Variants in DDX46 observed in about 807,000 individuals in gnomAD.
DDX46 encodes the protein probable ATP-dependent RNA helicase DDX46.
Under a neutral mutation model 134.9 loss-of-function variants are expected in DDX46, and 30 were observed. The observed-to-expected ratio is 0.22, with a 90% CI of 0.17 to 0.30. The LOEUF (loss-of-function observed/expected upper bound fraction) is 0.30, where lower values mean the gene tolerates loss of function less well. Ranked by LOEUF, DDX46 falls within the 10% of genes least tolerant of loss-of-function variation. The pLI is 1.00. For synonymous variants in DDX46, 415 were observed against 404.1 expected (o/e 1.03, Z -0.32); for missense variants, 622 against 1,248.7 (o/e 0.50, Z 7.56).
intron 13 of DDX46, among the ~76,000 whole-genome samples, chr5:134,790,891 C>T (rs1374274835): frequency 1.3e-5 from 2 of 152,090 alleles, no homozygotes; most frequent in Non-Finnish European, 2.9e-5. Flanking sequence ...GGAGAACGAT[C>T]ACTACTCACT....
intron 3 of DDX46, among the ~76,000 whole-genome samples, chr5:134,768,201 C>G (rs1486303530): frequency 6.6e-6 from 1 of 151,660 alleles, no homozygotes; most frequent in African/African-American, 2.4e-5. Flanking sequence ...CCTTCGCCTC[C>G]CGGGTTCAAG....
chr5:134,808,164 CAGTT>C (rs1755043080), intron 16 of DDX46, among the ~76,000 whole-genome samples: 1 of 152,198 alleles, frequency 6.6e-6, no homozygotes, highest in South Asian at 2.1e-4. Flanking sequence ...ATCCTGTTAA[CAGTT>C]TGTCTTCCCT....
In DDX46 at chr5:134,770,019, A is replaced by G. The variant is rs1753711116; in HGVS notation, c.351-884A>G. On this transcript the variant is annotated intron_variant, in intron 3 of 22. Transcript: ENST00000452510. Reference sequence around the variant, plus strand: ...GTTGACTCTTAGAAGTTTATTTCTTACCTAAATATTGGAATACAAGTCTAA... The same window carrying G: ...GTTGACTCTTAGAAGTTTATTTCTTGCCTAAATATTGGAATACAAGTCTAA... 2.0e-5 allele frequency among the ~76,000 whole-genome samples: 3 copies of G among 152,158 alleles called. No homozygotes were observed. In the East Asian group the frequency reaches 5.8e-4, roughly 29 times the overall value.
At chr5:134,782,485 TACAAA>T (rs1376937490) in intron 8 of DDX46, among the ~76,000 whole-genome samples, 1 of 150,788 alleles carries the variant, frequency 6.6e-6, no homozygotes, top group Non-Finnish European at 1.5e-5. Flanking sequence ...ACTAAAAAAA[TACAAA>T]AATAAAAAAA....
chr5:134,792,022 C>T (rs913355896), intron 13 of DDX46, among the ~76,000 whole-genome samples: 2 of 151,868 alleles, frequency 1.3e-5, no homozygotes, highest in Non-Finnish European at 2.9e-5. Context: ...ACTAAAAATA[C>T]AAAAATTAGC....
In DDX46 at chr5:134,811,347, C is replaced by G; in HGVS notation, c.2275C>G (p.Gln759Glu). 1 of 1,613,892 alleles carries G rather than the reference C, an allele frequency of 6.2e-7. No individual in the cohort carries two copies. Among genetic ancestry groups the G allele is most frequent in the Non-Finnish European group, 8.5e-7 (1 of 1,179,928 alleles). ...LEKLWSDFKD[Q>E]QKAEGKIIKK... ...GAAACTGTGGAGTGATTTCAAAGATCAGCAGAAAGCTGTGAGTTTTTAACC... is the reference window on the plus strand; with the variant it reads ...GAAACTGTGGAGTGATTTCAAAGATGAGCAGAAAGCTGTGAGTTTTTAACC... Residue 759 changes from glutamine (Q) to glutamate (E), a missense_variant, in exon 17 of 23, where the codon CAG (glutamine) becomes GAG (glutamate). Gln to Glu is a conservative substitution (Grantham distance 29, BLOSUM62 2). Transcript: ENST00000452510.
chr5:134,802,327 G>C (rs533068202), intron 15 of DDX46, among the ~76,000 whole-genome samples: 2 of 151,912 alleles, frequency 1.3e-5, no homozygotes, highest in African/African-American at 4.8e-5. Context: ...ACCACATCCA[G>C]CTAACTGTAT....
At chr5:134,791,716 C>T (rs1459915634) in intron 13 of DDX46, among the ~76,000 whole-genome samples, 1 of 152,100 alleles carries the variant, frequency 6.6e-6, no homozygotes. Flanking sequence ...CATATTTAGC[C>T]TTTTCAGTTT....
In DDX46 at chr5:134,811,827, T is replaced by C; in HGVS notation, c.2418T>C (p.Asp806=). ...KAALGLQDSD[D]EDAAVDIDEQ... ...CTCTTGGTCTACAAGATTCAGATGA[T>C]GAGGATGCTGCAGTTGATGTAAGTA... Residue 806 remains aspartate (D), a synonymous_variant, in exon 18 of 23, where the codon GAT becomes GAC. Coordinates refer to ENST00000452510, the MANE Select transcript of DDX46 (RefSeq NM_001300860.2). The C allele has an allele frequency of 6.2e-7, 1 of 1,612,046 alleles. No individual in the cohort carries two copies. The highest frequency in any genetic ancestry group is 8.5e-7 in the Non-Finnish European group (1 of 1,179,498).
intron 21 of DDX46, among the ~76,000 whole-genome samples, chr5:134,821,100 C>T (rs184672168): frequency 0.011 from 1,642 of 151,166 alleles, 31 homozygotes; most frequent in African/African-American, 0.038. Context: ...TGCAGTGGCG[C>T]AATCTCGGCT....
Position 134,764,024 on chromosome 5 carries a change from T to C in DDX46, c.138T>C (p.Asp46=). 1 of 1,614,054 alleles carries C rather than the reference T, an allele frequency of 6.2e-7. No homozygotes were observed. The highest frequency in any genetic ancestry group is 1.3e-5 in the African/African-American group (1 of 75,002). ...DDRRSRSRDR[D]RRRERSRSRD... ...GACGGTCTAGAAGTAGAGATAGAGA[T>C]AGGAGGAGAGAGAGGTCTCGTAGCA... The change falls in exon 2 of 23, where the codon GAT becomes GAC. Residue 46 remains aspartate, a synonymous_variant. Coordinates refer to ENST00000452510, the MANE Select transcript of DDX46 (RefSeq NM_001300860.2).
intron 15 of DDX46, among the ~76,000 whole-genome samples, chr5:134,803,479 G>T (rs554270319): frequency 6.6e-6 from 1 of 152,190 alleles, no homozygotes; most frequent in South Asian, 2.1e-4. Context: ...ACACTTTCTG[G>T]TGGTTTTTCT....
intron 22 of DDX46, among the ~76,000 whole-genome samples, 161 bp from the exon 23 acceptor site, chr5:134,828,498 C>T (rs1755648757): frequency 1.3e-5 from 2 of 151,888 alleles, no homozygotes; most frequent in Non-Finnish European, 2.9e-5. Context: ...GTAATAGTAA[C>T]ATTTAAAATT....
intron 15 of DDX46, among the ~76,000 whole-genome samples, chr5:134,806,475 TAGTA>T (rs1202251107): frequency 1.3e-5 from 2 of 152,218 alleles, no homozygotes; most frequent in African/African-American, 2.4e-5. Flanking sequence ...GTGATTATGT[TAGTA>T]AGGATACTTT....
At chr5:134,822,509 T>A (rs1046569451) in intron 21 of DDX46, among the ~76,000 whole-genome samples, 5 of 151,458 alleles carry the variant, frequency 3.3e-5, no homozygotes, top group South Asian at 4.2e-4. Flanking sequence ...ATGAAAAAAA[T>A]TTTTTTTTCT....
At position 134,795,204 on chromosome 5, in the gene DDX46, G is replaced by GTTTTTTTTT. The variant is rs879550711; in HGVS notation, c.1791+197_1791+205dup. Among the ~76,000 whole-genome samples the GTTTTTTTTT allele has an allele frequency of 6.4e-4, 81 of 125,716 alleles. 4 individuals carry two copies. The highest frequency in any genetic ancestry group is 2.3e-3 in the African/African-American group (77 of 33,118). 82.5% of individuals were successfully genotyped at this position (125,716 alleles called of 152,430 possible). A position where few individuals can be genotyped will look rare whatever the true frequency, so the allele number is the denominator to read the frequency against. Reference sequence around the variant, plus strand: ...TTCCACGGAGCTATTTAAAATGCTTGTTTTTTTTTTTTTTTGTTTTTTTTT... The same window carrying GTTTTTTTTT: ...TTCCACGGAGCTATTTAAAATGCTTGTTTTTTTTTTTTTTTTTTTTTTTTGTTTTTTTTT... On this transcript the variant is annotated intron_variant, in intron 14 of 22. Coordinates refer to ENST00000452510, the MANE Select transcript of DDX46 (RefSeq NM_001300860.2).
At chr5:134,758,979 T>TAGC (rs1235004239) in intron 1 of DDX46, 24 bp downstream of exon 1, 4 of 1,608,984 alleles carry the variant, frequency 2.5e-6, no homozygotes, top group Non-Finnish European at 3.4e-6. Context: ...CCGAGCGGGC[T>TAGC]AGCGGGCGAG....
Position 134,828,796 on chromosome 5 carries a change from T to G in DDX46, c.*90T>G. The G allele has an allele frequency of 9.9e-7, 1 of 1,006,966 alleles. No individual in the cohort carries two copies. The highest frequency in any genetic ancestry group is 2.9e-5 in the East Asian group (1 of 34,248). The allele number at this position is 1,006,966 out of a possible 1,614,324, so 62.4% of individuals were successfully genotyped here. On this transcript the variant is annotated 3_prime_UTR_variant, in exon 23 of 23. Transcript: ENST00000452510. ...TTTACAATGTATTGTAAATGAAGATTTTTTAAATTCTATCTTGCTGATTTT... is the reference window on the plus strand; with the variant it reads ...TTTACAATGTATTGTAAATGAAGATGTTTTAAATTCTATCTTGCTGATTTT...
intron 15 of DDX46, among the ~76,000 whole-genome samples, chr5:134,801,726 T>C (rs1754834935): frequency 6.6e-6 from 1 of 152,152 alleles, no homozygotes; most frequent in Non-Finnish European, 1.5e-5. Context: ...TATTACTGAG[T>C]AGTATTCATT....
Sources: allele counts gnomAD v4.1 joint callset (sites outside exome capture counted in the v4.1 genomes callset), GRCh38; gene constraint gnomAD v4.1.1; transcripts MANE v1.5; gene names NCBI Gene and HGNC (gene_info 2026-07-23, HGNC 2026-07-21).